The following ITGA1 variants were observed in gnomAD, a reference collection of about 807,000 sequenced individuals.
ITGA1 encodes the protein integrin alpha-1.
A neutral mutation model predicts 145.9 loss-of-function variants in ITGA1; 85 were observed. That is an observed-to-expected ratio of 0.58 (90% CI 0.49 to 0.70). The LOEUF is 0.70. Ranked by LOEUF, ITGA1 falls within the 30% of genes least tolerant of loss-of-function variation. ITGA1 has a pLI of 0.00. For synonymous variants in ITGA1, 520 were observed against 495.3 expected, an observed-to-expected ratio of 1.05 and a Z score of -0.66; for missense variants, 1,351 against 1,418.7, an observed-to-expected ratio of 0.95 and a Z score of 0.77.
At chr5:52,934,543 C>G (rs1346333974) in intron 23 of ITGA1, among the ~76,000 whole-genome samples, 1 of 151,862 alleles carries the variant, frequency 6.6e-6, no homozygotes, top group Non-Finnish European at 1.5e-5. Context: ...ACTACCACCT[C>G]CTTAAATGAT....
At chr5:52,843,325 T>C (rs556220868) in intron 1 of ITGA1, among the ~76,000 whole-genome samples, 27 of 152,350 alleles carry the variant, frequency 1.8e-4, no homozygotes, top group African/African-American at 6.3e-4. Context: ...AAGAAGCTAC[T>C]GAAATAAAGC....
chr5:52,787,985 G>T lies in ITGA1; in HGVS notation c.-369G>T. 4.6e-6 allele frequency: 1 copy of T among 216,602 alleles called. No individual in the cohort carries two copies. The highest frequency in any genetic ancestry group is 9.1e-6 in the Non-Finnish European group (1 of 110,344). The allele number at this position is 216,602 out of a possible 1,614,324, so 13.4% of individuals were successfully genotyped here. A position where few individuals can be genotyped will look rare whatever the true frequency, so the allele number is the denominator to read the frequency against. On this transcript the variant is annotated 5_prime_UTR_variant, in exon 1 of 29. The change abolishes an upstream ATG in the 5' untranslated region. Coordinates refer to ENST00000282588, the MANE Select transcript of ITGA1 (RefSeq NM_181501.2). ...ATCACCCTCTCAATGAAAGGCAGAT[G>T]TCCCTTTAAGGTTTGCTTCTACAGC... is the stretch of plus-strand genomic sequence containing the variant.
chr5:52,807,495 C>T (rs551945784), intron 1 of ITGA1, among the ~76,000 whole-genome samples: 6 of 152,052 alleles, frequency 3.9e-5, no homozygotes, highest in Non-Finnish European at 8.8e-5. Context: ...CCTCAGCTAT[C>T]ACCCTAAAAA....
intron 1 of ITGA1, among the ~76,000 whole-genome samples, chr5:52,837,769 A>T (rs1262863084): frequency 6.6e-6 from 1 of 152,052 alleles, no homozygotes. Flanking sequence ...GGATCGAAGG[A>T]TGTTACTGCC....
At chr5:52,945,364 T>C (rs1416144380) in intron 27 of ITGA1, among the ~76,000 whole-genome samples, 2 of 152,180 alleles carry the variant, frequency 1.3e-5, no homozygotes, top group Non-Finnish European at 2.9e-5. Context: ...AAAGCTGACA[T>C]TATAAAATGC....
At chr5:52,886,338 C>G (rs1750046444) in intron 7 of ITGA1, among the ~76,000 whole-genome samples, 1 of 152,204 alleles carries the variant, frequency 6.6e-6, no homozygotes. Flanking sequence ...CACATAGAAT[C>G]CTTTTCCCCA....
chr5:52,876,778 C>G (rs1234000704), intron 6 of ITGA1, among the ~76,000 whole-genome samples: 2 of 152,146 alleles, frequency 1.3e-5, no homozygotes, highest in Non-Finnish European at 2.9e-5. Flanking sequence ...AGTGTGCACT[C>G]AAACAGTTGA....
intron 9 of ITGA1, among the ~76,000 whole-genome samples, chr5:52,895,826 A>G (rs1019573132): frequency 6.6e-6 from 1 of 152,178 alleles, no homozygotes; most frequent in Admixed American, 6.5e-5. Context: ...TTGTTGCTAC[A>G]CTACACCAAA....
chr5:52,828,194 C>A (rs1259351668), intron 1 of ITGA1, among the ~76,000 whole-genome samples: 2 of 152,162 alleles, frequency 1.3e-5, no homozygotes, highest in Non-Finnish European at 2.9e-5. Context: ...ACTTGTAGGG[C>A]AACTCTATGT....
intron 1 of ITGA1, among the ~76,000 whole-genome samples, chr5:52,789,097 C>A (rs1748188365): frequency 6.6e-6 from 1 of 152,114 alleles, no homozygotes; most frequent in African/African-American, 2.4e-5. Context: ...AAGGAGGGGA[C>A]TTAAAAACAT....
intron 1 of ITGA1, among the ~76,000 whole-genome samples, chr5:52,843,186 C>T (rs755874720): frequency 1.8e-4 from 28 of 152,126 alleles, no homozygotes; most frequent in Non-Finnish European, 3.2e-4. Context: ...AAACCATTCA[C>T]TGTAAAAACA....
At chr5:52,881,832 A>G in intron 6 of ITGA1, 41 bp from the exon 7 acceptor site, 1 of 1,564,320 alleles carries the variant, frequency 6.4e-7, no homozygotes, top group East Asian at 2.3e-5. Flanking sequence ...TGAACAGGAA[A>G]TTTGGATTGA....
intron 6 of ITGA1, among the ~76,000 whole-genome samples, chr5:52,868,436 T>C (rs10071708): frequency 0.11 from 17,117 of 152,252 alleles, 1,521 homozygotes; most frequent in African/African-American, 0.24. Context: ...ATGCTCAAGC[T>C]ATTCTTCTGC....
chr5:52,941,290 C>CGAA (rs35430777), intron 26 of ITGA1, among the ~76,000 whole-genome samples: 1 of 152,124 alleles, frequency 6.6e-6, no homozygotes, highest in Non-Finnish European at 1.5e-5. Flanking sequence ...TATATACACC[C>CGAA]AGTAATGGGA....
intron 17 of ITGA1, among the ~76,000 whole-genome samples, chr5:52,922,425 G>A (rs1174430307): frequency 1.3e-5 from 2 of 152,188 alleles, no homozygotes; most frequent in African/African-American, 2.4e-5. Flanking sequence ...TCCCGGAAGT[G>A]TTACATAATG....
intron 23 of ITGA1, among the ~76,000 whole-genome samples, chr5:52,935,497 A>G (rs1189481339): frequency 2.0e-5 from 3 of 152,150 alleles, no homozygotes; most frequent in African/African-American, 4.8e-5. Flanking sequence ...AAGAAACCAT[A>G]ATGCTGCTAT....
At chr5:52,790,817 A>G (rs1023433019) in intron 1 of ITGA1, among the ~76,000 whole-genome samples, 2 of 152,198 alleles carry the variant, frequency 1.3e-5, no homozygotes, top group East Asian at 1.9e-4. Flanking sequence ...TCTTTGGGAG[A>G]CCATTATTCT....
intron 24 of ITGA1, among the ~76,000 whole-genome samples, chr5:52,938,505 C>T (rs986240088): frequency 1.3e-5 from 2 of 152,012 alleles, no homozygotes; most frequent in African/African-American, 4.8e-5. Context: ...TAAATGTTTT[C>T]CTAAGGGCAA....
chr5:52,952,125 G>T (rs555486172), intron 28 of ITGA1, among the ~76,000 whole-genome samples: 1 of 151,662 alleles, frequency 6.6e-6, no homozygotes, highest in Non-Finnish European at 1.5e-5. Flanking sequence ...GGGTGGCGGA[G>T]GTTGCAGTGA....
Sources: gnomAD v4.1 joint callset for allele counts (sites outside exome capture counted in the v4.1 genomes callset) on GRCh38, gnomAD v4.1.1 for gene constraint, MANE v1.5 for transcripts, NCBI Gene and HGNC (gene_info 2026-07-23, HGNC 2026-07-21) for gene names.